The following UGGT1 variants were observed in gnomAD, a reference collection of about 807,000 sequenced individuals.
UGGT1 encodes UDP-glucose:glycoprotein glucosyltransferase 1.
Under a neutral mutation model 203.9 loss-of-function variants are expected in UGGT1, and 107 were observed. The ratio of observed to expected loss-of-function variants is 0.52; its 90% CI spans 0.45 to 0.62. UGGT1 has a LOEUF of 0.62. Ranked by LOEUF, UGGT1 falls within the 20% of genes least tolerant of loss-of-function variation. The pLI, the probability that UGGT1 is intolerant of heterozygous loss-of-function variation, is 0.00. For missense variants in UGGT1, 1,673 were observed against 1,867.2 expected, an observed-to-expected ratio of 0.90 and a Z score of 1.92; for synonymous variants, 628 against 653.5, an observed-to-expected ratio of 0.96 and a Z score of 0.59.
At chr2:128,146,564 ATATT>A (rs1157415480) in intron 18 of UGGT1, among the ~76,000 whole-genome samples, 3 of 97,894 alleles carry the variant, frequency 3.1e-5, no homozygotes, top group Non-Finnish European at 6.6e-5. Flanking sequence ...TTATATATAA[ATATT>A]AATATATATA....
At chr2:128,141,220 T>C (rs1483721444) in intron 16 of UGGT1, among the ~76,000 whole-genome samples, 1 of 150,324 alleles carries the variant, frequency 6.7e-6, no homozygotes, top group Non-Finnish European at 1.5e-5. Flanking sequence ...GCACTTTGGG[T>C]GGCCGAGGTG....
At chr2:128,113,056 G>A (rs770235890) in intron 5 of UGGT1, 28 bp from the exon 6 acceptor site, 1 of 1,454,390 alleles carries the variant, frequency 6.9e-7, no homozygotes, top group Non-Finnish European at 9.1e-7. Context: ...TATTTTTAAA[G>A]TTTTGAGCTT....
At chr2:128,098,812 C>T (rs965784503) in intron 2 of UGGT1, among the ~76,000 whole-genome samples, 18 of 132,416 alleles carry the variant, frequency 1.4e-4, no homozygotes, top group African/African-American at 4.7e-4. Flanking sequence ...TTTCATAAAA[C>T]AATAGTTGTC....
intron 32 of UGGT1, 29 bp downstream of exon 32, chr2:128,176,927 G>A (rs2104802731): frequency 1.3e-6 from 2 of 1,583,170 alleles, no homozygotes; most frequent in East Asian, 2.2e-5. Context: ...GTGGCATTCT[G>A]TTATTGGACA....
intron 8 of UGGT1, among the ~76,000 whole-genome samples, chr2:128,118,826 T>G (rs1688247114): frequency 6.6e-6 from 1 of 151,958 alleles, no homozygotes. Flanking sequence ...CAGGTGATCC[T>G]CTCACTTCAG....
chr2:128,091,899 C>CT (rs1686883383), intron 1 of UGGT1, among the ~76,000 whole-genome samples: 1 of 152,228 alleles, frequency 6.6e-6, no homozygotes, highest in South Asian at 2.1e-4. Context: ...TATGGTTTCA[C>CT]TTTTAGCGTG....
chr2:128,159,542 T>A lies in UGGT1; in HGVS notation c.2384T>A (p.Met795Lys). 2 of 1,614,186 alleles carry A rather than the reference T, an allele frequency of 1.2e-6. No individual in the cohort carries two copies. Among genetic ancestry groups the A allele is most frequent in the Middle Eastern group, 1.6e-4 (1 of 6,062 alleles). Residue 795 changes from methionine (M) to lysine (K), a missense_variant, in exon 23 of 41, where the codon ATG (methionine) becomes AAG (lysine). Coordinates refer to ENST00000259253, the MANE Select transcript of UGGT1 (RefSeq NM_020120.4). Reference protein sequence around the residue: ...QKSSNNVRISMINNPAKEISY... With the variant: ...QKSSNNVRISKINNPAKEISY... Reference sequence around the variant, plus strand: ...TCCAGTAACAATGTTAGAATAAGCATGATCAATAATCCTGCCAAAGAGATA... The same window carrying A: ...TCCAGTAACAATGTTAGAATAAGCAAGATCAATAATCCTGCCAAAGAGATA...
chr2:128,127,232 G>A (rs1422503464), intron 11 of UGGT1, 129 bp from the exon 12 acceptor site: 3 of 645,936 alleles, frequency 4.6e-6, no homozygotes, highest in Non-Finnish European at 8.2e-6. Context: ...AATCCCAACA[G>A]CATCTTGAAG....
At position 128,115,163 on chromosome 2, in the gene UGGT1, G is replaced by A. The variant is rs773190820; in HGVS notation, c.736G>A (p.Val246Met). ...GCCTGTTTACCTCTCTGGCTATGGC[G>A]TGGAATTGGCCATTAAGAGCACTGA... ...KEPVYLSGYG[V>M]ELAIKSTEYK... Residue 246 changes from valine to methionine, a missense_variant, in exon 7 of 41, where the codon GTG becomes ATG. Coordinates refer to ENST00000259253, the MANE Select transcript of UGGT1 (RefSeq NM_020120.4). 1.1e-5 allele frequency: 18 copies of A among 1,614,006 alleles called. No individual in the cohort carries two copies. The highest frequency in any genetic ancestry group is 1.6e-4 in the Middle Eastern group (1 of 6,062).
chr2:128,179,695 A>T, intron 34 of UGGT1, 91 bp from the exon 35 acceptor site: 7 of 1,078,704 alleles, frequency 6.5e-6, no homozygotes, highest in South Asian at 3.0e-5. Context: ...TGCCGTAAAG[A>T]GCATTTAGGT....
intron 16 of UGGT1, among the ~76,000 whole-genome samples, chr2:128,141,314 G>T (rs1332404231): frequency 6.6e-6 from 1 of 151,970 alleles, no homozygotes; most frequent in Middle Eastern, 3.2e-3. Flanking sequence ...CAAAAATTGG[G>T]CCGGGCACGG....
chr2:128,115,286 A>G, intron 7 of UGGT1, 66 bp downstream of exon 7: 1 of 1,398,614 alleles, frequency 7.1e-7, no homozygotes, highest in African/African-American at 1.4e-5. Context: ...GTTTGTTTCC[A>G]TATGAAAAAT....
chr2:128,120,157 AT>A (rs1348675861), intron 8 of UGGT1, among the ~76,000 whole-genome samples, 198 bp from the exon 9 acceptor site: 2 of 152,066 alleles, frequency 1.3e-5, no homozygotes, highest in Non-Finnish European at 2.9e-5. Flanking sequence ...TTTTCTATAA[AT>A]TTTATGAGTT....
rs755650412 is a variant in UGGT1 at position 128,186,782 on chromosome 2, G to T, written c.4459G>T (p.Ala1487Ser). ...GTGTGATGACGCCTCTAAGAAAAGG[G>T]CAAAAACCATTGATTTGGTAAGCCG... ...TWCDDASKKR[A>S]KTIDLCNNPM... The change falls in exon 39 of 41, where the codon GCA becomes TCA. Residue 1487 changes from alanine to serine, a missense_variant. Ala to Ser is a moderately conservative substitution (Grantham distance 99, BLOSUM62 1). Around this residue, in one of 4 missense-constraint regions of UGGT1, gnomAD observed 513 missense variants for 684.1 expected, o/e 0.75. Coordinates refer to ENST00000259253, the MANE Select transcript of UGGT1 (RefSeq NM_020120.4). The T allele has an allele frequency of 6.8e-6, 11 of 1,611,906 alleles. No homozygotes were observed. Among genetic ancestry groups the T allele is most frequent in the Non-Finnish European group, 2.5e-6 (3 of 1,179,002 alleles).
At chr2:128,182,676 A>C (rs934251744) in intron 37 of UGGT1, among the ~76,000 whole-genome samples, 1 of 131,990 alleles carries the variant, frequency 7.6e-6, no homozygotes, top group Non-Finnish European at 1.6e-5. Flanking sequence ...TCCAGCCTGG[A>C]TGACAGAGTG....
chr2:128,143,358 C>T, intron 17 of UGGT1, 133 bp downstream of exon 17: 1 of 1,044,016 alleles, frequency 9.6e-7, no homozygotes, highest in East Asian at 2.9e-5. Context: ...AGTTTAGAAA[C>T]CAGATCACTT....
rs1691660311 is a variant in UGGT1 at position 128,180,901 on chromosome 2, T to A, written c.3912T>A (p.Pro1304=). The change falls in exon 36 of 41, where the codon CCT becomes CCA. Residue 1304 remains proline (P), a synonymous_variant. Coordinates refer to ENST00000259253, the MANE Select transcript of UGGT1 (RefSeq NM_020120.4). ...YLSPTFKEFI[P]YMANEYNFQY... ...ATGTCTAAAAATAGGAGTTTATACC[T>A]TACATGGCAAATGAATACAATTTCC... is the stretch of plus-strand genomic sequence containing the variant. 2 of 1,613,532 alleles carry A rather than the reference T, an allele frequency of 1.2e-6. No individual in the cohort carries two copies. Among genetic ancestry groups the A allele is most frequent in the Non-Finnish European group, 1.7e-6 (2 of 1,179,824 alleles).
chr2:128,141,953 C>T (rs1342416736), intron 16 of UGGT1, among the ~76,000 whole-genome samples: 1 of 151,572 alleles, frequency 6.6e-6, no homozygotes, highest in South Asian at 2.1e-4. Flanking sequence ...AGATTTTTCT[C>T]TTTTTTTTGA....
intron 4 of UGGT1, 21 bp downstream of exon 4, chr2:128,108,089 G>T (rs1256638061): frequency 6.2e-7 from 1 of 1,613,760 alleles, no homozygotes; most frequent in African/African-American, 1.3e-5. Flanking sequence ...TGCTCTTAAA[G>T]AACAGCATTT....
Sources: gnomAD v4.1 joint callset for allele counts (sites outside exome capture counted in the v4.1 genomes callset) on GRCh38, gnomAD v4.1.1 for gene constraint, gnomAD v4.1.1 regional missense constraint, MANE v1.5 for transcripts, NCBI Gene and HGNC (gene_info 2026-07-23, HGNC 2026-07-21) for gene names.